Variants in USP10 observed in about 807,000 individuals in gnomAD.
USP10 encodes the protein ubiquitin carboxyl-terminal hydrolase 10.
USP10 carries 22 observed loss-of-function variants against 84.5 expected under a neutral mutation model. The ratio of observed to expected loss-of-function variants is 0.26; its 90% CI spans 0.19 to 0.37. The LOEUF is 0.37. Among genes scored for constraint, USP10 ranks in the 10% least tolerant of loss-of-function variants. USP10 has a pLI of 1.00. For synonymous variants in USP10, 454 were observed against 387.6 expected, an observed-to-expected ratio of 1.17 and a Z score of -2.01; for missense variants, 1,019 against 998.9, an observed-to-expected ratio of 1.02 and a Z score of -0.27.
chr16:84,732,258 C>A (rs542325246), intron 1 of USP10, among the ~76,000 whole-genome samples: 1 of 152,090 alleles, frequency 6.6e-6, no homozygotes, highest in Non-Finnish European at 1.5e-5. Context: ...TTGTAAATTT[C>A]CCTGGAAGCT....
intron 1 of USP10, among the ~76,000 whole-genome samples, chr16:84,729,707 T>C (rs752996511): frequency 5.9e-5 from 9 of 152,252 alleles, no homozygotes; most frequent in Non-Finnish European, 1.2e-4. Flanking sequence ...CTGCTCACTT[T>C]TAAAAGCTCA....
In USP10 at chr16:84,757,140, A is replaced by G. The variant is rs189479070; in HGVS notation, c.1193-1576A>G. 6.6e-5 allele frequency among the ~76,000 whole-genome samples: 10 copies of G among 152,158 alleles called. 1 individual carries two copies. The highest frequency in any genetic ancestry group is 2.4e-4 in the African/African-American group (10 of 41,442). ...CAGTGTCCCTCACATGACAGGTGCT[A>G]TCTCTGCTGGGTGTCATCACATGCA... is the stretch of plus-strand genomic sequence containing the variant. On this transcript the variant is annotated intron_variant, in intron 4 of 13. Transcript: ENST00000219473.
rs546746913 is a variant in USP10, at chr16:84,748,729, T to A, written c.1192+3056T>A. 9.2e-5 allele frequency among the ~76,000 whole-genome samples: 14 copies of A among 152,386 alleles called. No homozygotes were observed. The South Asian group carries it at 2.7e-3, about 29-fold the overall frequency. On this transcript the variant is annotated intron_variant, in intron 4 of 13. Coordinates refer to ENST00000219473, the MANE Select transcript of USP10 (RefSeq NM_005153.3). ...TCATTTAAAATGTTTTAGAACATTC[T>A]ACTTAGTCATATGACTTTAAATATA... is the stretch of plus-strand genomic sequence containing the variant.
At chr16:84,726,222 C>A (rs953204381) in intron 1 of USP10, among the ~76,000 whole-genome samples, 2 of 152,196 alleles carry the variant, frequency 1.3e-5, no homozygotes, top group African/African-American at 4.8e-5. Flanking sequence ...CCCCTAGTGC[C>A]GTGCTGTACT....
At chr16:84,739,076 T>TTTC (rs1910298462) in intron 2 of USP10, among the ~76,000 whole-genome samples, 1 of 151,728 alleles carries the variant, frequency 6.6e-6, no homozygotes, top group Non-Finnish European at 1.5e-5. Context: ...TTTTTTTTTT[T>TTTC]GAGACAGAGT....
intron 12 of USP10, among the ~76,000 whole-genome samples, chr16:84,774,226 G>A (rs1199045302): frequency 6.6e-6 from 1 of 151,894 alleles, no homozygotes; most frequent in Non-Finnish European, 1.5e-5. Context: ...CTGGGCAACA[G>A]AGCAAGACTC....
intron 13 of USP10, among the ~76,000 whole-genome samples, chr16:84,776,901 C>G (rs1005914390): frequency 3.9e-5 from 6 of 152,244 alleles, no homozygotes; most frequent in Non-Finnish European, 8.8e-5. Context: ...CAACCTCTGC[C>G]TCCCAGGTTC....
At chr16:84,739,128 G>A (rs1323272636) in intron 2 of USP10, among the ~76,000 whole-genome samples, 4 of 149,914 alleles carry the variant, frequency 2.7e-5, no homozygotes, top group African/African-American at 4.9e-5. Context: ...GCACTATCTC[G>A]GCTCACTGCA....
chr16:84,727,035 CA>C (rs1234566765), intron 1 of USP10, among the ~76,000 whole-genome samples: 1 of 152,212 alleles, frequency 6.6e-6, no homozygotes, highest in African/African-American at 2.4e-5. Flanking sequence ...AGCAGTGTCA[CA>C]GTTTCTGTGG....
chr16:84,757,914 C>T (rs1912775743), intron 4 of USP10, among the ~76,000 whole-genome samples: 1 of 152,118 alleles, frequency 6.6e-6, no homozygotes, highest in Admixed American at 6.5e-5. Flanking sequence ...TTGTAAAGAA[C>T]GTGCTAAGTG....
chr16:84,734,994 C>T (rs1490112906), intron 2 of USP10, among the ~76,000 whole-genome samples: 1 of 152,078 alleles, frequency 6.6e-6, no homozygotes, highest in Non-Finnish European at 1.5e-5. Flanking sequence ...GTATAAACAC[C>T]ACACGTTTTA....
intron 2 of USP10, among the ~76,000 whole-genome samples, chr16:84,734,751 T>C (rs1909673779): frequency 6.6e-6 from 1 of 152,244 alleles, no homozygotes; most frequent in African/African-American, 2.4e-5. Flanking sequence ...TCTGTTTTCT[T>C]CTAAAAGTTT....
At chr16:84,718,483 G>T (rs932630984) in intron 1 of USP10, among the ~76,000 whole-genome samples, 17 of 152,170 alleles carry the variant, frequency 1.1e-4, no homozygotes, top group Admixed American at 6.5e-5. Flanking sequence ...TTCTGGCCGG[G>T]TGCGGTGGCT....
rs115296459 is a variant in USP10 at position 84,714,872 on chromosome 16, G to A, written c.21+14761G>A. Among the ~76,000 whole-genome samples the A allele has an allele frequency of 5.6e-3, 848 of 150,766 alleles. 6 individuals are homozygous for A. The highest frequency in any genetic ancestry group is 0.02 in the African/African-American group (810 of 41,208). ...ATTTTAAAAGTAATATCAAAAACAA[G>A]TTCTACATATGAAATGTTTGAAAAA... On this transcript the variant is annotated intron_variant, in intron 1 of 13. Coordinates refer to ENST00000219473, the MANE Select transcript of USP10 (RefSeq NM_005153.3).
chr16:84,703,209 C>A (rs1197835136), intron 1 of USP10, among the ~76,000 whole-genome samples: 1 of 152,088 alleles, frequency 6.6e-6, no homozygotes, highest in Non-Finnish European at 1.5e-5. Flanking sequence ...AAGTGTAGGT[C>A]CAAGTGAATA....
intron 3 of USP10, among the ~76,000 whole-genome samples, chr16:84,744,295 G>A (rs906011701): frequency 1.3e-5 from 2 of 152,002 alleles, no homozygotes; most frequent in Admixed American, 6.6e-5. Flanking sequence ...CAGGCATAAG[G>A]CAGCTATAAG....
At chr16:84,755,649 A>G (rs1363832254) in intron 4 of USP10, among the ~76,000 whole-genome samples, 3 of 151,858 alleles carry the variant, frequency 2.0e-5, no homozygotes, top group African/African-American at 7.3e-5. Flanking sequence ...AATAATAATT[A>G]TGATTGGGTA....
intron 1 of USP10, among the ~76,000 whole-genome samples, chr16:84,713,543 G>A (rs1002700762): frequency 1.8e-4 from 28 of 152,140 alleles, no homozygotes; most frequent in Non-Finnish European, 7.4e-5. Flanking sequence ...TGTAAGCTCC[G>A]TGAGGGCAGG....
rs564171500 is a variant in USP10 at position 84,759,251 on chromosome 16, C to G, written c.1285-112C>G. On this transcript the variant is annotated intron_variant, in intron 5 of 13. Transcript: ENST00000219473. ...TTCGTGGTGACATATCTAAGTAGTT[C>G]AACGTCCTTAGCTTCCTTGTGTTTT... 1.0e-5 allele frequency: 10 copies of G among 989,934 alleles called. No homozygotes were observed. The African/African-American group carries it at 1.3e-4, about 13-fold the overall frequency. 61.3% of individuals were successfully genotyped at this position (989,934 alleles called of 1,614,324 possible).
Sources: gnomAD v4.1 joint callset for allele counts (sites outside exome capture counted in the v4.1 genomes callset) on GRCh38, gnomAD v4.1.1 for gene constraint, MANE v1.5 for transcripts, NCBI Gene and HGNC (gene_info 2026-07-23, HGNC 2026-07-21) for gene names.